NXPE3: variants seen among roughly 807,000 people sequenced by gnomAD.
NXPE3 encodes NXPE family member 3.
Under a neutral mutation model 46.1 loss-of-function variants are expected in NXPE3, and 26 were observed. The ratio of observed to expected loss-of-function variants is 0.56; its 90% CI spans 0.41 to 0.78. The LOEUF is 0.78. Among genes scored for constraint, NXPE3 ranks in the 30% least tolerant of loss-of-function variants. The probability of loss-of-function intolerance (pLI) is 0.00; values close to 1 mark genes in which losing one functional copy is unlikely to be tolerated. For synonymous variants in NXPE3, 272 were observed against 257.9 expected, an observed-to-expected ratio of 1.05 and a Z score of -0.52; for missense variants, 620 against 686.0, an observed-to-expected ratio of 0.90 and a Z score of 1.07.
chr3:101,808,838 T>C (rs913972580), intron 6 of NXPE3, among the ~76,000 whole-genome samples: 2 of 119,014 alleles, frequency 1.7e-5, no homozygotes, highest in Admixed American at 8.6e-5. Context: ...TATATATATA[T>C]ATATATATAT....
intron 6 of NXPE3, among the ~76,000 whole-genome samples, chr3:101,813,512 C>T (rs1941820518): frequency 1.3e-5 from 2 of 152,152 alleles, no homozygotes; most frequent in South Asian, 2.1e-4. Context: ...GCGTGACACC[C>T]TTTGGAGGAA....
At chr3:101,814,990 A>G (rs886179045) in intron 6 of NXPE3, among the ~76,000 whole-genome samples, 7 of 152,212 alleles carry the variant, frequency 4.6e-5, no homozygotes, top group African/African-American at 1.7e-4. Context: ...GACCTACTTC[A>G]AAGAGTTACT....
chr3:101,783,832 CAG>C (rs1939983138), intron 3 of NXPE3, among the ~76,000 whole-genome samples: 1 of 152,252 alleles, frequency 6.6e-6, no homozygotes, highest in South Asian at 2.1e-4. Flanking sequence ...ACCCTGATGA[CAG>C]AGTTATCCTC....
intron 4 of NXPE3, among the ~76,000 whole-genome samples, chr3:101,791,378 A>G (rs1212664615): frequency 2.0e-5 from 3 of 152,048 alleles, no homozygotes; most frequent in Admixed American, 6.6e-5. Flanking sequence ...TTCTTTATCC[A>G]GTCTGTTATT....
intron 5 of NXPE3, among the ~76,000 whole-genome samples, chr3:101,805,352 C>A (rs1941364606): frequency 6.6e-6 from 1 of 151,148 alleles, no homozygotes; most frequent in South Asian, 2.1e-4. Context: ...TTGGTTATCT[C>A]TTTAATCCAA....
At chr3:101,807,652 C>G (rs563277074) in intron 6 of NXPE3, among the ~76,000 whole-genome samples, 1 of 151,982 alleles carries the variant, frequency 6.6e-6, no homozygotes, top group East Asian at 1.9e-4. Context: ...AAGTTTTCTT[C>G]TCTTGCCAGC....
chr3:101,783,090 C>T (rs374696548), intron 3 of NXPE3, among the ~76,000 whole-genome samples: 5 of 152,090 alleles, frequency 3.3e-5, no homozygotes, highest in African/African-American at 1.2e-4. Flanking sequence ...GAGACGGAGT[C>T]TCGCTCTGTC....
chr3:101,812,485 A>G (rs1941756482), intron 6 of NXPE3, among the ~76,000 whole-genome samples: 1 of 152,054 alleles, frequency 6.6e-6, no homozygotes, highest in African/African-American at 2.4e-5. Flanking sequence ...AAACTTTGCC[A>G]AGTCACTCTG....
chr3:101,797,974 G>A (rs1306043682), intron 4 of NXPE3, among the ~76,000 whole-genome samples: 1 of 106,168 alleles, frequency 9.4e-6, no homozygotes, highest in Admixed American at 1.1e-4. Flanking sequence ...GGTATTTCTA[G>A]TTCTAGATCC....
intron 4 of NXPE3, among the ~76,000 whole-genome samples, chr3:101,792,338 A>G (rs1022962313): frequency 6.6e-6 from 1 of 152,158 alleles, no homozygotes; most frequent in African/African-American, 2.4e-5. Flanking sequence ...ATCTTTGCCC[A>G]TTCCTATGTC....
At position 101,825,464 on chromosome 3, in the gene NXPE3, G is replaced by A. The variant is rs1942452788; in HGVS notation, c.*3510G>A. ...GTATATTTCCCAATATAAATATAAG[G>A]GGCATCATAATTTTTAAAAACTATA... is the stretch of plus-strand genomic sequence containing the variant. On this transcript the variant is annotated 3_prime_UTR_variant, in exon 8 of 8. Coordinates refer to ENST00000273347, the MANE Select transcript of NXPE3 (RefSeq NM_145037.4). 6.6e-6 allele frequency: 1 copy of A among 151,988 alleles called. No homozygotes were observed. Among genetic ancestry groups the A allele is most frequent in the Non-Finnish European group, 1.5e-5 (1 of 68,000 alleles). 9.4% of individuals were successfully genotyped at this position (151,988 alleles called of 1,614,324 possible). A position where few individuals can be genotyped will look rare whatever the true frequency, so the allele number is the denominator to read the frequency against.
intron 7 of NXPE3, among the ~76,000 whole-genome samples, chr3:101,818,753 A>ATTTTT (rs1186102474): frequency 8.2e-5 from 1 of 12,260 alleles, no homozygotes; most frequent in Non-Finnish European, 1.4e-4. Flanking sequence ...ATATATATAT[A>ATTTTT]TTTTTTTTTT....
intron 4 of NXPE3, among the ~76,000 whole-genome samples, chr3:101,787,161 A>AC (rs1491227108): frequency 2.0e-5 from 3 of 151,240 alleles, no homozygotes; most frequent in African/African-American, 7.3e-5. Context: ...AAAAAAAAAA[A>AC]CACAACAAAT....
rs769817075 is a variant in NXPE3 at position 101,821,963 on chromosome 3, G to A, written c.*9G>A. 1.2e-6 allele frequency: 2 copies of A among 1,608,938 alleles called. No individual in the cohort carries two copies. Among genetic ancestry groups the A allele is most frequent in the South Asian group, 2.2e-5 (2 of 90,604 alleles). On this transcript the variant is annotated 3_prime_UTR_variant, in exon 8 of 8. Transcript: ENST00000273347. ...GCCCCTTGGAAACCTAGCCTGTCTT[G>A]GAAGGGACTGGAGGAATCATATTCA...
At position 101,821,079 on chromosome 3, in the gene NXPE3, T is replaced by C. The variant is rs117590034; in HGVS notation, c.1130-325T>C. ...GCAATGATCAGTGCAAATAGCAACA[T>C]TTCTTGGCCTAATAATTAGAGAAAA... On this transcript the variant is annotated intron_variant, in intron 7 of 7. Coordinates refer to ENST00000273347, the MANE Select transcript of NXPE3 (RefSeq NM_145037.4). 1.5e-3 allele frequency among the ~76,000 whole-genome samples: 228 copies of C among 152,348 alleles called. 4 individuals carry two copies. The East Asian group carries it at 0.035, about 24-fold the overall frequency.
chr3:101,814,608 G>A (rs1253151018), intron 6 of NXPE3, among the ~76,000 whole-genome samples: 1 of 152,148 alleles, frequency 6.6e-6, no homozygotes, highest in African/African-American at 2.4e-5. Context: ...ACAAATAGGG[G>A]AGTCACTTAA....
intron 1 of NXPE3, chr3:101,780,017 A>G (rs1939720912): frequency 6.6e-6 from 1 of 152,284 alleles, no homozygotes; most frequent in Non-Finnish European, 1.5e-5. Context: ...GTTCCGAGGC[A>G]GGATTTATGC....
intron 6 of NXPE3, 44 bp downstream of exon 6, chr3:101,807,170 A>C: frequency 1.4e-6 from 2 of 1,451,196 alleles, no homozygotes; most frequent in Non-Finnish European, 1.9e-6. Context: ...TTTTCTTACT[A>C]ACTGGGTTGA....
intron 7 of NXPE3, among the ~76,000 whole-genome samples, chr3:101,818,912 C>T (rs1942121281): frequency 6.6e-6 from 1 of 150,512 alleles, no homozygotes; most frequent in Non-Finnish European, 1.5e-5. Flanking sequence ...ATTACAGGCA[C>T]CTGACACCAT....
Sources: allele counts gnomAD v4.1 joint callset (sites outside exome capture counted in the v4.1 genomes callset), GRCh38; gene constraint gnomAD v4.1.1; transcripts MANE v1.5; gene names NCBI Gene and HGNC (gene_info 2026-07-23, HGNC 2026-07-21).